MGRN1: variants seen among roughly 807,000 people sequenced by gnomAD.
The protein encoded by MGRN1 is mahogunin ring finger 1.
MGRN1 carries 29 observed loss-of-function variants against 69.2 expected under a neutral mutation model. That is an observed-to-expected ratio of 0.42 (90% CI 0.31 to 0.57). The LOEUF (loss-of-function observed/expected upper bound fraction) is 0.57. MGRN1 is among the 20% of genes least tolerant of loss of function. The pLI is 0.15. For missense variants in MGRN1, 998 were observed against 796.2 expected (o/e 1.25, Z -3.05); for synonymous variants, 470 against 344.2 (o/e 1.37, Z -4.04).
In MGRN1 at chr16:4,688,515, C is replaced by A. The variant is rs995145689; in HGVS notation, c.1619-281C>A. On this transcript the variant is annotated intron_variant, in intron 16 of 16. Coordinates refer to ENST00000262370, the MANE Select transcript of MGRN1 (RefSeq NM_015246.4). ...GGCAGGAGGCCCAGAGGGCATCCAC[C>A]GCGGTGCCGTGTCGCGCTCTGACTC... 2.5e-6 allele frequency: 3 copies of A among 1,214,908 alleles called. No individual in the cohort carries two copies. In the Admixed American group the frequency reaches 1.2e-4, roughly 49 times the overall value. The allele number at this position is 1,214,908 out of a possible 1,614,324, so 75.3% of individuals were successfully genotyped here. A position where few individuals can be genotyped will look rare whatever the true frequency, so the allele number is the denominator to read the frequency against.
intron 1 of MGRN1, among the ~76,000 whole-genome samples, chr16:4,631,097 C>T (rs1046892268): frequency 3.9e-5 from 6 of 152,160 alleles, no homozygotes; most frequent in African/African-American, 1.4e-4. Flanking sequence ...GCTGGGATTA[C>T]AGGTGTGAGC....
Position 4,686,710 on chromosome 16 carries a change from G to T in MGRN1, c.1619-2086G>T, listed in dbSNP as rs762930769. 102 of 1,022,832 alleles carry T rather than the reference G, an allele frequency of 1.0e-4. 1 individual carries two copies. The highest frequency in any genetic ancestry group is 1.1e-4 in the Non-Finnish European group (97 of 854,926). The allele number at this position is 1,022,832 out of a possible 1,614,324, so 63.4% of individuals were successfully genotyped here. ...GGAGGGAACCCCAGGGAGACATGGG[G>T]TGAGCGTCCCAAGGGGAGAGGCCTG... On this transcript the variant is annotated intron_variant, in intron 16 of 16. Coordinates refer to ENST00000262370, the MANE Select transcript of MGRN1 (RefSeq NM_015246.4).
intron 16 of MGRN1, chr16:4,688,258 G>A: frequency 1.0e-6 from 1 of 985,744 alleles, no homozygotes; most frequent in Non-Finnish European, 1.2e-6. Context: ...TCTGGGGACA[G>A]CGCCCGGCGG....
At chr16:4,686,964 G>T (rs1228346186) in intron 16 of MGRN1, 1 of 985,378 alleles carries the variant, frequency 1.0e-6, no homozygotes, top group Admixed American at 6.1e-5. Flanking sequence ...CCAGGGGAGA[G>T]TATCTTGCGT....
chr16:4,652,864 C>T (rs375779776), intron 4 of MGRN1, 40 bp downstream of exon 4: 80 of 1,550,968 alleles, frequency 5.2e-5, no homozygotes, highest in Non-Finnish European at 6.8e-5. Flanking sequence ...TGGCTGGGGG[C>T]CCCAGACTCC....
intron 8 of MGRN1, among the ~76,000 whole-genome samples, chr16:4,669,596 T>G (rs1332311530): frequency 1.3e-5 from 2 of 152,170 alleles, no homozygotes; most frequent in Admixed American, 1.3e-4. Flanking sequence ...AGCCATTGTG[T>G]CTGGAACATA....
In MGRN1 at chr16:4,688,845, C is replaced by G. The variant is rs749378018; in HGVS notation, c.1668C>G (p.Pro556=). 9 of 1,555,236 alleles carry G rather than the reference C, an allele frequency of 5.8e-6. No individual in the cohort carries two copies. The East Asian group carries it at 2.2e-4, about 38-fold the overall frequency. ...ETAHGLATTS[P]TWPPLGGPSP... is the part of the protein sequence containing the mutation. Reference sequence around the variant, plus strand: ...CCCACGGCCTCGCCACCACCAGCCCCACCTGGCCTCCACTTGGTGGCCCCA... The same window carrying G: ...CCCACGGCCTCGCCACCACCAGCCCGACCTGGCCTCCACTTGGTGGCCCCA... Residue 556 remains proline, a synonymous_variant, in exon 17 of 17, where the codon CCC becomes CCG. Coordinates refer to ENST00000262370, the MANE Select transcript of MGRN1 (RefSeq NM_015246.4).
At chr16:4,679,779 A>T (rs115033185) in intron 11 of MGRN1, among the ~76,000 whole-genome samples, 1 of 152,074 alleles carries the variant, frequency 6.6e-6, no homozygotes, top group Non-Finnish European at 1.5e-5. Flanking sequence ...GGGACAGGCA[A>T]TGGGGATGAG....
chr16:4,657,345 G>A lies in MGRN1; in HGVS notation c.543G>A (p.Ser181=), dbSNP rs181147262. 2.7e-4 allele frequency: 441 copies of A among 1,614,004 alleles called. 7 individuals carry two copies. The South Asian group carries it at 3.9e-3, about 14-fold the overall frequency. ...FSLPSFKIDF[S]EWKDDELNFD... ...TGCCCTCCTTCAAGATTGACTTCTC[G>A]GAATGGAAGGATGACGAGGTAATGC... Residue 181 remains serine (S), a synonymous_variant, in exon 5 of 17, where the codon TCG becomes TCA. Transcript: ENST00000262370.
At chr16:4,662,065 G>A (rs965350510) in intron 5 of MGRN1, among the ~76,000 whole-genome samples, 3 of 152,106 alleles carry the variant, frequency 2.0e-5, no homozygotes, top group East Asian at 1.9e-4. Context: ...GTTCGCAGTC[G>A]GGTACTTTCT....
intron 12 of MGRN1, 125 bp downstream of exon 12, chr16:4,680,222 T>G (rs368769507): frequency 1.1e-6 from 1 of 949,710 alleles, no homozygotes; most frequent in Non-Finnish European, 1.6e-6. Context: ...CAGCTCCACT[T>G]GCCCAGTCCC....
rs908088120 is a variant in MGRN1, at chr16:4,686,402, G to C, written c.1619-2394G>C. The C allele has an allele frequency of 2.0e-6, 3 of 1,486,554 alleles. No individual in the cohort carries two copies. In the East Asian group the frequency reaches 7.6e-5, roughly 38 times the overall value. 92.1% of individuals were successfully genotyped at this position (1,486,554 alleles called of 1,614,324 possible). A position where few individuals can be genotyped will look rare whatever the true frequency, so the allele number is the denominator to read the frequency against. ...TGGCGGGGGTTCCTTCTGGTTTTTG[G>C]GTCTTCGTCCGCATCCGCATCTTCC... is the stretch of plus-strand genomic sequence containing the variant. On this transcript the variant is annotated intron_variant, in intron 16 of 16. Transcript: ENST00000262370.
chr16:4,686,836 G>T (rs1186967497), intron 16 of MGRN1: 3 of 986,096 alleles, frequency 3.0e-6, no homozygotes, highest in Non-Finnish European at 3.6e-6. Context: ...TCCGGTCGTG[G>T]CTTTAACAAT....
At chr16:4,635,883 G>A (rs1775886755) in intron 1 of MGRN1, among the ~76,000 whole-genome samples, 1 of 144,002 alleles carries the variant, frequency 6.9e-6, no homozygotes, top group Admixed American at 7.3e-5. Context: ...TCCTGACCTT[G>A]TGATCTGCCT....
At position 4,689,260 on chromosome 16, in the gene MGRN1, C is replaced by T. The variant is rs989499312; in HGVS notation, c.*352C>T. On this transcript the variant is annotated 3_prime_UTR_variant, in exon 17 of 17. Coordinates refer to ENST00000262370, the MANE Select transcript of MGRN1 (RefSeq NM_015246.4). ...CTCCTGCAACAGTGCGGTCCCTGCC[C>T]GGAGAACTCAGGAGGCCTGCAGAAG... 1.3e-5 allele frequency: 3 copies of T among 231,974 alleles called. No homozygotes were observed. Among genetic ancestry groups the T allele is most frequent in the Admixed American group, 5.5e-5 (1 of 18,094 alleles). The allele number at this position is 231,974 out of a possible 1,614,324, so 14.4% of individuals were successfully genotyped here. A position where few individuals can be genotyped will look rare whatever the true frequency, so the allele number is the denominator to read the frequency against.
At chr16:4,665,860 C>T (rs920975297) in intron 7 of MGRN1, among the ~76,000 whole-genome samples, 4 of 151,420 alleles carry the variant, frequency 2.6e-5, no homozygotes, top group East Asian at 1.9e-4. Context: ...GACAGAGTCT[C>T]GCTCTTTTGC....
chr16:4,631,762 A>G (rs1898012137), intron 1 of MGRN1, among the ~76,000 whole-genome samples: 1 of 152,162 alleles, frequency 6.6e-6, no homozygotes, highest in African/African-American at 2.4e-5. Context: ...AATTATTTCT[A>G]CAAAAGCAGC....
intron 16 of MGRN1, chr16:4,686,427 C>T (rs1596321766): frequency 1.4e-6 from 2 of 1,438,440 alleles, no homozygotes; most frequent in East Asian, 2.6e-5. Flanking sequence ...CCGCATCTTC[C>T]CAGGGGCCCT....
At chr16:4,637,771 G>A (rs995307273) in intron 1 of MGRN1, among the ~76,000 whole-genome samples, 2 of 152,226 alleles carry the variant, frequency 1.3e-5, no homozygotes, top group Non-Finnish European at 1.5e-5. Context: ...TGCTGCCGTC[G>A]TCCCTGGTCC....
Sources: allele counts gnomAD v4.1 joint callset (sites outside exome capture counted in the v4.1 genomes callset), GRCh38; gene constraint gnomAD v4.1.1; transcripts MANE v1.5; gene names NCBI Gene and HGNC (gene_info 2026-07-23, HGNC 2026-07-21).